SRRT: variants seen among roughly 807,000 people sequenced by gnomAD.
SRRT encodes the protein serrate RNA effector molecule homolog.
A neutral mutation model predicts 103.2 loss-of-function variants in SRRT; 32 were observed. The observed-to-expected ratio is 0.31, with a 90% confidence interval of 0.23 to 0.42. SRRT has a LOEUF of 0.42. Ranked by LOEUF, SRRT falls within the 10% of genes least tolerant of loss-of-function variation. The pLI is 1.00. For synonymous variants in SRRT, 525 were observed against 449.0 expected, an observed-to-expected ratio of 1.17 and a Z score of -2.14; for missense variants, 986 against 1,207.5, an observed-to-expected ratio of 0.82 and a Z score of 2.72.
intron 2 of SRRT, among the ~76,000 whole-genome samples, chr7:100,877,827 C>T (rs762532397): frequency 3.9e-5 from 6 of 152,050 alleles, no homozygotes; most frequent in Non-Finnish European, 7.4e-5. Flanking sequence ...AGCAAGAGTA[C>T]GCATGTGATT....
Position 100,888,047 on chromosome 7 carries a change from CCCCCAGGTTTGA to C in SRRT, c.2340_2351del (p.Thr782_Leu785del). 1 of 1,550,786 alleles carries C rather than the reference CCCCCAGGTTTGA, an allele frequency of 6.4e-7. No homozygotes were observed. The highest frequency in any genetic ancestry group is 8.7e-7 in the Non-Finnish European group (1 of 1,153,094). On this transcript the variant is annotated inframe_deletion, in exon 18 of 20. Transcript: ENST00000611405. Reference sequence around the variant, plus strand: ...TCATGTCCCTGTCCGTGTTGTACTCCCCCCAGGTTTGACCCCAGGACTCCCCTACCCACACCA... The same window carrying C: ...TCATGTCCCTGTCCGTGTTGTACTCCCCCCAGGACTCCCCTACCCACACCA...
rs776935627 is a variant in SRRT at position 100,887,218 on chromosome 7, C to T, written c.1975+18C>T. 3 of 1,614,028 alleles carry T rather than the reference C, an allele frequency of 1.9e-6. No homozygotes were observed. The East Asian group carries it at 6.7e-5, about 36-fold the overall frequency. Reference sequence around the variant, plus strand: ...CGGGGAAGGTGAGCTCCAGGTTCCCCTTTGTTCCCGGCTGCCCCTGGCCTT... The same window carrying T: ...CGGGGAAGGTGAGCTCCAGGTTCCCTTTTGTTCCCGGCTGCCCCTGGCCTT... On this transcript the variant is annotated intron_variant, in intron 15 of 19. Transcript: ENST00000611405. The surrounding 1 kb of genome is among the most constrained non-coding windows in gnomAD (Gnocchi z 4.1).
intron 5 of SRRT, among the ~76,000 whole-genome samples, chr7:100,883,556 C>T (rs1789783142): frequency 6.6e-6 from 1 of 152,308 alleles, no homozygotes; most frequent in Non-Finnish European, 1.5e-5. Context: ...TATCTTCCCA[C>T]GGGTGGAGAA....
intron 13 of SRRT, 88 bp from the exon 14 acceptor site, chr7:100,886,707 C>A: frequency 4.2e-6 from 6 of 1,440,890 alleles, no homozygotes; most frequent in Non-Finnish European, 5.8e-6. Flanking sequence ...AACTCCTGTC[C>A]CCTCGCTGCT....
At chr7:100,879,497 T>C (rs1207747604) in intron 2 of SRRT, among the ~76,000 whole-genome samples, 1 of 152,196 alleles carries the variant, frequency 6.6e-6, no homozygotes, top group East Asian at 1.9e-4. Context: ...GGTGACAATG[T>C]AAAAACAATG....
intron 2 of SRRT, among the ~76,000 whole-genome samples, chr7:100,880,012 G>C (rs1180190007): frequency 6.6e-6 from 1 of 152,218 alleles, no homozygotes; most frequent in African/African-American, 2.4e-5. Context: ...AGGAAGGTCT[G>C]CCTGCCAGTG....
chr7:100,878,251 G>A (rs1230291208), intron 2 of SRRT, among the ~76,000 whole-genome samples: 1 of 152,034 alleles, frequency 6.6e-6, no homozygotes, highest in Admixed American at 6.6e-5. Flanking sequence ...GGTGGAGGTG[G>A]GAGTGAGTCT....
Position 100,884,519 on chromosome 7 carries a change from C to G in SRRT, c.909C>G (p.Asn303Lys), listed in dbSNP as rs116129589. The change falls in exon 7 of 20, where the codon AAC becomes AAG. Residue 303 changes from asparagine (N) to lysine (K), a missense_variant. By Grantham distance (94) the Asn-to-Lys change is moderately conservative. This residue lies in a region of SRRT where 166 missense variants were observed against 148.6 expected (regional missense o/e 1.12). Transcript: ENST00000611405. ...TAGGGGACGGGGAGCGCAAAACCAA[C>G]GACAAGGATGAGAAGAAGGAAGACG... ...AGLGDGERKT[N>K]DKDEKKEDGK... 6.2e-7 allele frequency: 1 copy of G among 1,612,200 alleles called. No homozygotes were observed. Among genetic ancestry groups the G allele is most frequent in the Non-Finnish European group, 8.5e-7 (1 of 1,179,560 alleles).
At chr7:100,875,546 C>T (rs757412706) in intron 1 of SRRT, 27 bp from the exon 2 acceptor site, 34 of 1,611,344 alleles carry the variant, frequency 2.1e-5, no homozygotes, top group Admixed American at 5.0e-5. Context: ...TTTTGCACCA[C>T]TCCTACCGCC....
In SRRT at chr7:100,885,508, G is replaced by A. The variant is rs369228081; in HGVS notation, c.1317+138G>A. The stretch of plus-strand genomic sequence containing the variant: ...CCCTTCCCCAGGTTCCATGGCCTCC[G>A]AGGACTAGTCCTGATAGCGCCATTG... On this transcript the variant is annotated intron_variant, in intron 10 of 19. Transcript: ENST00000611405. This position sits in a 1 kb window ranked among gnomAD's most constrained non-coding sequence, Gnocchi z 4.8. The A allele has an allele frequency of 3.4e-5, 38 of 1,118,948 alleles. No individual in the cohort carries two copies. The highest frequency in any genetic ancestry group is 9.3e-5 in the South Asian group (6 of 64,732). 69.3% of individuals were successfully genotyped at this position (1,118,948 alleles called of 1,614,324 possible). A position where few individuals can be genotyped will look rare whatever the true frequency, so the allele number is the denominator to read the frequency against.
In SRRT at chr7:100,882,487, G is replaced by GAGCCACTT. The variant is rs1789675892; in HGVS notation, c.587+247_587+254dup. Reference sequence around the variant, plus strand: ...TGGGACACCTCCAGGCAGCAGGCCAGAGCCACTTGGCCCCTTGGGGCAGCA... The same window carrying GAGCCACTT: ...TGGGACACCTCCAGGCAGCAGGCCAGAGCCACTTAGCCACTTGGCCCCTTGGGGCAGCA... On this transcript the variant is annotated intron_variant, in intron 5 of 19. Coordinates refer to ENST00000611405, the MANE Select transcript of SRRT (RefSeq NM_015908.6). The surrounding 1 kb of genome is among the most constrained non-coding windows in gnomAD (Gnocchi z 4.2). The GAGCCACTT allele has an allele frequency of 2.3e-6, 1 of 436,408 alleles. No homozygotes were observed. Among genetic ancestry groups the GAGCCACTT allele is most frequent in the South Asian group, 3.0e-5 (1 of 33,784 alleles). The allele number at this position is 436,408 out of a possible 1,614,324, so 27.0% of individuals were successfully genotyped here. A position where few individuals can be genotyped will look rare whatever the true frequency, so the allele number is the denominator to read the frequency against.
chr7:100,877,471 G>A (rs1283085135), intron 2 of SRRT, among the ~76,000 whole-genome samples: 3 of 145,718 alleles, frequency 2.1e-5, no homozygotes, highest in African/African-American at 5.1e-5. Flanking sequence ...CTTGATGAAA[G>A]AGTAAAACAT....
chr7:100,879,984 T>A (rs568477629), intron 2 of SRRT, among the ~76,000 whole-genome samples: 1 of 152,182 alleles, frequency 6.6e-6, no homozygotes, highest in South Asian at 2.1e-4. Context: ...CGGTGTGATG[T>A]GATGAGACTT....
rs754978414 is a variant in SRRT at position 100,885,833 on chromosome 7, G to GA, written c.1380-29dup. On this transcript the variant is annotated intron_variant, in intron 11 of 19. Transcript: ENST00000611405. The surrounding 1 kb of genome is among the most constrained non-coding windows in gnomAD (Gnocchi z 4.8). ...ATGGCCAACACCAACTCCCTCGCTT[G>GA]ACTATGCTAACATTTTCTTTCTTGT... 7 of 1,613,964 alleles carry GA rather than the reference G, an allele frequency of 4.3e-6. No homozygotes were observed. In the South Asian group the frequency reaches 7.7e-5, roughly 18 times the overall value.
rs201456567 is a variant in SRRT at position 100,884,274 on chromosome 7, C to T, written c.757+35C>T. 1.0e-3 allele frequency: 1,676 copies of T among 1,613,654 alleles called. 2 individuals carry two copies. Among genetic ancestry groups the T allele is most frequent in the Non-Finnish European group, 1.0e-3 (1,214 of 1,179,772 alleles). Reference sequence around the variant, plus strand: ...TTTGGAGGGGTGGCAGGCATCTGGGCCCCATGGGGGTGGGGGTGTCTGGGG... The same window carrying T: ...TTTGGAGGGGTGGCAGGCATCTGGGTCCCATGGGGGTGGGGGTGTCTGGGG... On this transcript the variant is annotated intron_variant, in intron 6 of 19. Transcript: ENST00000611405.
In SRRT at chr7:100,885,275, G is replaced by T; in HGVS notation, c.1222G>T (p.Ala408Ser). 1.2e-6 allele frequency: 2 copies of T among 1,614,130 alleles called. No individual in the cohort carries two copies. Among genetic ancestry groups the T allele is most frequent in the Middle Eastern group, 1.6e-4 (1 of 6,062 alleles). ...EEEWEKPKDA[A>S]GLECKPRPLH... The stretch of plus-strand genomic sequence containing the variant: ...AGAATGGGAGAAGCCCAAGGACGCC[G>T]CGGGGCTGGAGTGCAAGCCGCGGCC... The change falls in exon 10 of 20, where the codon GCG becomes TCG. Residue 408 changes from alanine (A) to serine (S), a missense_variant. Physicochemically the swap from Ala to Ser is moderately conservative, Grantham distance 99. Around this residue, in one of 6 missense-constraint regions of SRRT, gnomAD observed 349 missense variants for 446.9 expected, o/e 0.78. Transcript: ENST00000611405. The surrounding 1 kb of genome is among the most constrained non-coding windows in gnomAD (Gnocchi z 4.8).
intron 13 of SRRT, 78 bp from the exon 14 acceptor site, chr7:100,886,717 T>C (rs1563023716): frequency 6.6e-7 from 1 of 1,512,128 alleles, no homozygotes; most frequent in Non-Finnish European, 9.1e-7. Context: ...CCCTCGCTGC[T>C]CTTTCACTTG....
Position 100,881,342 on chromosome 7 carries a change from G to C in SRRT, c.180G>C (p.Arg60=), listed in dbSNP as rs1239609498. 5 of 1,613,548 alleles carry C rather than the reference G, an allele frequency of 3.1e-6. No individual in the cohort carries two copies. In the African/African-American group the frequency reaches 5.3e-5, roughly 17 times the overall value. ...RSRGEYRDYD[R]NRRERFSPPR... Reference sequence around the variant, plus strand: ...GGGGTGAATATCGGGACTATGACCGGAATCGGCGAGAGCGCTTCTCGCCAC... The same window carrying C: ...GGGGTGAATATCGGGACTATGACCGCAATCGGCGAGAGCGCTTCTCGCCAC... The change falls in exon 3 of 20, where the codon CGG becomes CGC. Residue 60 remains arginine, a synonymous_variant. Coordinates refer to ENST00000611405, the MANE Select transcript of SRRT (RefSeq NM_015908.6).
Position 100,885,160 on chromosome 7 carries a change from C to A in SRRT, c.1160-53C>A. 6.2e-7 allele frequency: 1 copy of A among 1,604,196 alleles called. No individual in the cohort carries two copies. Among genetic ancestry groups the A allele is most frequent in the Non-Finnish European group, 8.5e-7 (1 of 1,174,168 alleles). ...GGGAAAGCTTCTGTATCCTCCCCAC[C>A]ACAATCAGTAATAAAAATGCACCAA... On this transcript the variant is annotated intron_variant, in intron 9 of 19. Transcript: ENST00000611405. The surrounding 1 kb of genome is among the most constrained non-coding windows in gnomAD (Gnocchi z 4.8).
Sources: allele counts gnomAD v4.1 joint callset (sites outside exome capture counted in the v4.1 genomes callset), GRCh38; gene constraint gnomAD v4.1.1; regional missense constraint gnomAD v4.1.1; non-coding constraint Gnocchi (gnomAD v3.1); transcripts MANE v1.5; gene names NCBI Gene and HGNC (gene_info 2026-07-23, HGNC 2026-07-21).